Variants in NBAS observed in about 807,000 individuals in gnomAD.
NBAS encodes NAG/BC035112 fusion.
In NBAS, 219 loss-of-function variants were observed where a neutral mutation model predicts 302.5. The observed-to-expected ratio is 0.72, with a 90% confidence interval of 0.65 to 0.81. The LOEUF (loss-of-function observed/expected upper bound fraction) is 0.81, where lower values mean the gene tolerates loss of function less well. Among genes scored for constraint, NBAS ranks in the 30% least tolerant of loss-of-function variants. The pLI, the probability that NBAS is intolerant of heterozygous loss-of-function variation, is 0.00. For missense variants in NBAS, 2,932 were observed against 2,841.6 expected (o/e 1.03, Z -0.72); for synonymous variants, 1,118 against 1,021.6 (o/e 1.09, Z -1.80).
chr2:14,934,273 A>C, the NBAS span, among the ~76,000 whole-genome samples: 1 of 152,198 alleles, frequency 6.6e-6, no homozygotes, highest in Non-Finnish European at 1.5e-5. Flanking sequence ...TATAATTAAA[A>C]ACCTATTTTT....
chr2:14,894,949 G>A, the NBAS span, among the ~76,000 whole-genome samples: 3 of 152,078 alleles, frequency 2.0e-5, no homozygotes, highest in East Asian at 3.9e-4. Flanking sequence ...CCAGGTACTC[G>A]GGAGGCTGAG....
In NBAS at chr2:15,218,627, G is replaced by A; in HGVS notation, c.6432+146C>T. 3 of 969,718 alleles carry A rather than the reference G, an allele frequency of 3.1e-6. No homozygotes were observed. In the South Asian group the frequency reaches 4.1e-5, roughly 13 times the overall value. 60.1% of individuals were successfully genotyped at this position (969,718 alleles called of 1,614,324 possible). ...GTAGAGATGGGGTTTTGTCATGTTG[G>A]CCAGGTGCCAGGCTGGTCTTGAACT... is the stretch of plus-strand genomic sequence containing the variant. On this transcript the variant is annotated intron_variant, in intron 48 of 51. Transcript: ENST00000281513.
the NBAS span, among the ~76,000 whole-genome samples, chr2:14,877,567 G>A: frequency 6.6e-6 from 1 of 152,198 alleles, no homozygotes; most frequent in Non-Finnish European, 1.5e-5. Context: ...CAACATGGGT[G>A]CACCAGCCTT....
chr2:15,492,519 C>T (rs1477723070), intron 11 of NBAS, among the ~76,000 whole-genome samples: 3 of 152,270 alleles, frequency 2.0e-5, no homozygotes, highest in South Asian at 2.1e-4. Flanking sequence ...TGCACTGGCA[C>T]GATCTCGGTT....
intron 18 of NBAS, 92 bp downstream of exon 18, chr2:15,467,572 A>T (rs1272954588): frequency 2.9e-6 from 4 of 1,393,154 alleles, no homozygotes; most frequent in Non-Finnish European, 4.0e-6. Context: ...AGTTGCTAAA[A>T]TAATTTGGAC....
chr2:15,141,530 T>C, the NBAS span, among the ~76,000 whole-genome samples: 1 of 152,200 alleles, frequency 6.6e-6, no homozygotes, highest in Non-Finnish European at 1.5e-5. Context: ...TGAGACGATG[T>C]CATTCTGTTT....
rs1399378223 is a variant in NBAS at position 15,327,758 on chromosome 2, G to A, written c.4574C>T (p.Thr1525Ile). 1.9e-6 allele frequency: 3 copies of A among 1,613,570 alleles called. No individual in the cohort carries two copies. Among genetic ancestry groups the A allele is most frequent in the East Asian group, 2.2e-5 (1 of 44,824 alleles). ...EAKNKGEVFP[T>I]TEVLLQLASE... ...AGAACCTTCTCTCTTACCTTCAGTT[G>A]TTGGAAATACTTCTCCTTTATTTTT... The change falls in exon 38 of 52, where the codon ACA becomes ATA. Residue 1525 changes from threonine (T) to isoleucine (I), a missense_variant. By Grantham distance (89) the Thr-to-Ile change is moderately conservative. Coordinates refer to ENST00000281513, the MANE Select transcript of NBAS (RefSeq NM_015909.4).
chr2:15,545,386 T>C (rs1664060905), intron 6 of NBAS, among the ~76,000 whole-genome samples: 1 of 152,118 alleles, frequency 6.6e-6, no homozygotes, highest in Non-Finnish European at 1.5e-5. Flanking sequence ...AATTTTTTCT[T>C]GAAGAATATT....
chr2:15,487,250 C>A (rs1045951499), intron 12 of NBAS, among the ~76,000 whole-genome samples: 3 of 152,126 alleles, frequency 2.0e-5, no homozygotes, highest in Non-Finnish European at 4.4e-5. Flanking sequence ...GCATTGATAA[C>A]CATGAAAAAC....
intron 2 of NBAS, among the ~76,000 whole-genome samples, chr2:15,557,263 C>T (rs1053257095): frequency 2.0e-5 from 3 of 152,118 alleles, no homozygotes; most frequent in Admixed American, 1.3e-4. Context: ...GAAAACAAAA[C>T]CTCTAACACG....
At chr2:15,025,723 C>T in the NBAS span, among the ~76,000 whole-genome samples, 1 of 152,104 alleles carries the variant, frequency 6.6e-6, no homozygotes, top group Admixed American at 6.6e-5. Flanking sequence ...CATTTTGTGA[C>T]AATTCTGAAA....
chr2:15,508,692 C>A (rs1271570919), intron 10 of NBAS, among the ~76,000 whole-genome samples: 1 of 151,396 alleles, frequency 6.6e-6, no homozygotes, highest in African/African-American at 2.4e-5. Flanking sequence ...TTTTTTTTTA[C>A]TGAATCATCT....
the NBAS span, among the ~76,000 whole-genome samples, chr2:14,948,394 A>C: frequency 2.0e-5 from 3 of 152,148 alleles, no homozygotes; most frequent in African/African-American, 7.2e-5. Context: ...TGATAAATCC[A>C]GTAAAGTTGC....
chr2:14,924,066 A>T, the NBAS span, among the ~76,000 whole-genome samples: 7 of 152,308 alleles, frequency 4.6e-5, no homozygotes, highest in East Asian at 1.2e-3. Context: ...CACAGAATAC[A>T]TCTGCCACCA....
intron 26 of NBAS, among the ~76,000 whole-genome samples, chr2:15,400,854 G>A (rs770747964): frequency 2.3e-4 from 35 of 152,256 alleles, no homozygotes; most frequent in Admixed American, 8.5e-4. Flanking sequence ...TTAATGCATA[G>A]AATATCCCAC....
chr2:15,323,695 C>T (rs1441205884), intron 38 of NBAS, among the ~76,000 whole-genome samples: 1 of 151,754 alleles, frequency 6.6e-6, no homozygotes, highest in East Asian at 1.9e-4. Context: ...ATTAGCTGGG[C>T]ATGGTGGTGC....
At chr2:14,929,230 C>T in the NBAS span, among the ~76,000 whole-genome samples, 9 of 152,320 alleles carry the variant, frequency 5.9e-5, no homozygotes, top group Non-Finnish European at 7.3e-5. Flanking sequence ...GTAAGTCTTA[C>T]ATGCTCTAAA....
At chr2:14,819,470 T>A in the NBAS span, among the ~76,000 whole-genome samples, 1 of 152,250 alleles carries the variant, frequency 6.6e-6, no homozygotes, top group Non-Finnish European at 1.5e-5. Flanking sequence ...CTATGAAGTA[T>A]GTATTAGGAA....
At chr2:15,081,701 G>T in the NBAS span, among the ~76,000 whole-genome samples, 1 of 152,112 alleles carries the variant, frequency 6.6e-6, no homozygotes, top group Non-Finnish European at 1.5e-5. Context: ...TATGGTCAGG[G>T]GTCTCTCCCT....
Sources: allele counts gnomAD v4.1 joint callset (sites outside exome capture counted in the v4.1 genomes callset), GRCh38; gene constraint gnomAD v4.1.1; transcripts MANE v1.5; gene names NCBI Gene and HGNC (gene_info 2026-07-23, HGNC 2026-07-21).